The following RALGPS1 variants were observed in gnomAD, a reference collection of about 807,000 sequenced individuals.
RALGPS1 encodes ras-specific guanine nucleotide-releasing factor RalGPS1.
Under a neutral mutation model 78.8 loss-of-function variants are expected in RALGPS1, and 19 were observed. The ratio of observed to expected loss-of-function variants is 0.24; its 90% CI spans 0.17 to 0.35. RALGPS1 has a LOEUF of 0.35. Ranked by LOEUF, RALGPS1 falls within the 10% of genes least tolerant of loss-of-function variation. The pLI is 1.00. For synonymous variants in RALGPS1, 228 were observed against 256.3 expected (o/e 0.89, Z 1.06); for missense variants, 454 against 688.3 (o/e 0.66, Z 3.81).
chr9:127,060,081 G>T (rs894648860), intron 7 of RALGPS1, among the ~76,000 whole-genome samples: 1 of 152,190 alleles, frequency 6.6e-6, no homozygotes, highest in Admixed American at 6.5e-5. Context: ...AGCCTTTGCA[G>T]CTGGGAGCTA....
At chr9:126,981,506 A>G (rs539786322) in intron 4 of RALGPS1, among the ~76,000 whole-genome samples, 6 of 152,286 alleles carry the variant, frequency 3.9e-5, no homozygotes, top group South Asian at 4.1e-4. Flanking sequence ...TGAATGCCCA[A>G]TGGCTCACTA....
chr9:127,127,430 A>C (rs2056698710), intron 8 of RALGPS1, among the ~76,000 whole-genome samples: 1 of 152,168 alleles, frequency 6.6e-6, no homozygotes, highest in Non-Finnish European at 1.5e-5. Context: ...TTTCTCACCC[A>C]AACCTTCTGT....
intron 11 of RALGPS1, among the ~76,000 whole-genome samples, chr9:127,187,983 G>A (rs2060762587): frequency 6.6e-6 from 1 of 151,752 alleles, no homozygotes; most frequent in Non-Finnish European, 1.5e-5. Flanking sequence ...ACCTCCAGGG[G>A]TGGCCCAAGA....
rs1486670188 is a variant in RALGPS1 at position 127,093,595 on chromosome 9, A to G, written c.610+24239A>G. The G allele has an allele frequency of 1.9e-5, 20 of 1,029,540 alleles. No homozygotes were observed. In the South Asian group the frequency reaches 3.0e-4, roughly 15 times the overall value. The allele number at this position is 1,029,540 out of a possible 1,614,324, so 63.8% of individuals were successfully genotyped here. On this transcript the variant is annotated intron_variant, in intron 8 of 18. Coordinates refer to ENST00000259351, the MANE Select transcript of RALGPS1 (RefSeq NM_014636.3). ...TCTGCATCCTTCTCGCCTCAGGTAT[A>G]TGTGTTGTTGGGGCCGCACAGGCCT...
chr9:126,929,840 A>G (rs1209667731), intron 1 of RALGPS1, among the ~76,000 whole-genome samples: 1 of 149,006 alleles, frequency 6.7e-6, no homozygotes, highest in African/African-American at 2.5e-5. Context: ...GGCATTAGGG[A>G]TTTATTTTTC....
chr9:126,937,378 C>T (rs1354866893), intron 1 of RALGPS1, among the ~76,000 whole-genome samples: 1 of 152,184 alleles, frequency 6.6e-6, no homozygotes, highest in East Asian at 1.9e-4. Flanking sequence ...GCACACAGAA[C>T]ATGGCCACAT....
intron 8 of RALGPS1, among the ~76,000 whole-genome samples, chr9:127,126,631 G>A (rs1588056440): frequency 1.3e-5 from 2 of 152,046 alleles, no homozygotes; most frequent in African/African-American, 4.8e-5. Flanking sequence ...GCATTTAATC[G>A]GCTGTTAATT....
rs768055520 is a variant in RALGPS1 at position 127,122,976 on chromosome 9, G to A, written c.611-43093G>A. The A allele has an allele frequency of 5.9e-5, 9 of 152,418 alleles. No homozygotes were observed. Among genetic ancestry groups the A allele is most frequent in the African/African-American group, 1.4e-4 (6 of 41,472 alleles). The allele number at this position is 152,418 out of a possible 1,614,324, so 9.4% of individuals were successfully genotyped here. On this transcript the variant is annotated intron_variant, in intron 8 of 18. Transcript: ENST00000259351. This position sits in a 1 kb window ranked among gnomAD's most constrained non-coding sequence, Gnocchi z 6.4. ...CAGCTCCCGCGTGCTGCGAGGCGGA[G>A]CGCTTCCCCTTTGACTCAGGGAATG... is the stretch of plus-strand genomic sequence containing the variant.
At chr9:126,957,520 C>T (rs2038459857) in intron 1 of RALGPS1, among the ~76,000 whole-genome samples, 2 of 152,198 alleles carry the variant, frequency 1.3e-5, no homozygotes, top group South Asian at 2.1e-4. Flanking sequence ...TGGTGACTCT[C>T]TGTTAGGCCT....
intron 8 of RALGPS1, among the ~76,000 whole-genome samples, chr9:127,155,898 C>CA: frequency 6.7e-6 from 1 of 148,292 alleles, no homozygotes; most frequent in Middle Eastern, 3.4e-3. Flanking sequence ...AAATATCTTG[C>CA]TTTTTTTTTT....
At chr9:127,188,708 G>A (rs1384212134) in intron 11 of RALGPS1, among the ~76,000 whole-genome samples, 2 of 151,830 alleles carry the variant, frequency 1.3e-5, no homozygotes, top group Non-Finnish European at 2.9e-5. Flanking sequence ...GCTCATGCCT[G>A]CAATTCCAGC....
intron 1 of RALGPS1, among the ~76,000 whole-genome samples, chr9:126,951,195 GA>G (rs1469142969): frequency 1.3e-5 from 2 of 150,086 alleles, no homozygotes; most frequent in African/African-American, 2.4e-5. Context: ...CAACCAAAAA[GA>G]GTCCAGGACC....
Position 127,194,533 on chromosome 9 carries a change from C to G in RALGPS1, c.911-558C>G, listed in dbSNP as rs2061251714. Among the ~76,000 whole-genome samples, 3 of 152,358 alleles carry G rather than the reference C, an allele frequency of 2.0e-5. No individual in the cohort carries two copies. The South Asian group carries it at 6.2e-4, about 32-fold the overall frequency. On this transcript the variant is annotated intron_variant, in intron 11 of 18. Transcript: ENST00000259351. ...GTTCAAGCGATTCTTCTGCCTCAGCCTCCCGAGTAGCTGGGATTACAGGCA... is the reference window on the plus strand; with the variant it reads ...GTTCAAGCGATTCTTCTGCCTCAGCGTCCCGAGTAGCTGGGATTACAGGCA...
chr9:127,089,184 C>T (rs1375450161), intron 8 of RALGPS1: 1 of 1,598,596 alleles, frequency 6.3e-7, no homozygotes, highest in Non-Finnish European at 8.6e-7. Flanking sequence ...GGAGGCCATT[C>T]TACTTGCGTC....
rs545667829 is a variant in RALGPS1, at chr9:126,989,084, G to T, written c.216+11339G>T. 1.3e-3 allele frequency among the ~76,000 whole-genome samples: 190 copies of T among 151,708 alleles called. No homozygotes were observed. The East Asian group carries it at 0.021, about 17-fold the overall frequency. On this transcript the variant is annotated intron_variant, in intron 4 of 18. Coordinates refer to ENST00000259351, the MANE Select transcript of RALGPS1 (RefSeq NM_014636.3). ...CCCCACCTTATCATCATCATCATCA[G>T]CATCATCATCATCATCATCATCATC... is the stretch of plus-strand genomic sequence containing the variant.
Position 127,212,952 on chromosome 9 carries a change from C to T in RALGPS1, c.1455C>T (p.Ser485=). ...LRGTDRKHYK[S]TPGKKVSIVG... The stretch of plus-strand genomic sequence containing the variant: ...TTGTTGCTCTCCTCCAGTATAAATC[C>T]ACACCTGGCAAAAAGGTTTCCATCG... The change falls in exon 17 of 19, where the codon TCC becomes TCT. Residue 485 remains serine, a synonymous_variant. Coordinates refer to ENST00000259351, the MANE Select transcript of RALGPS1 (RefSeq NM_014636.3). This position sits in a 1 kb window ranked among gnomAD's most constrained non-coding sequence, Gnocchi z 6.0. 6.2e-7 allele frequency: 1 copy of T among 1,614,158 alleles called. No individual in the cohort carries two copies. The highest frequency in any genetic ancestry group is 8.5e-7 in the Non-Finnish European group (1 of 1,180,028).
chr9:126,939,820 C>T (rs966977722), intron 1 of RALGPS1, among the ~76,000 whole-genome samples: 22 of 152,282 alleles, frequency 1.4e-4, no homozygotes, highest in Middle Eastern at 3.4e-3. Flanking sequence ...ACAAGCGTTG[C>T]GGAGGGCTAA....
chr9:126,942,609 T>A (rs561103320), intron 1 of RALGPS1, among the ~76,000 whole-genome samples: 1 of 152,356 alleles, frequency 6.6e-6, no homozygotes, highest in Non-Finnish European at 1.5e-5. Flanking sequence ...TCATTGACTG[T>A]GGCTTCCTGG....
intron 1 of RALGPS1, among the ~76,000 whole-genome samples, chr9:126,924,780 G>A (rs1323400669): frequency 2.6e-5 from 4 of 152,216 alleles, no homozygotes; most frequent in African/African-American, 9.6e-5. Context: ...TGCAGTTCTT[G>A]TCCAGGGTCT....
Sources: gnomAD v4.1 joint callset for allele counts (sites outside exome capture counted in the v4.1 genomes callset) on GRCh38, gnomAD v4.1.1 for gene constraint, Gnocchi (gnomAD v3.1) non-coding constraint, MANE v1.5 for transcripts, NCBI Gene and HGNC (gene_info 2026-07-23, HGNC 2026-07-21) for gene names.